The following ZEB1 variants were observed in gnomAD, a reference collection of about 807,000 sequenced individuals.
ZEB1 encodes the protein zinc finger E-box binding homeobox 1, also known as zinc finger E-box-binding homeobox 1.
A neutral mutation model predicts 84.9 loss-of-function variants in ZEB1; 21 were observed. That is an observed-to-expected ratio of 0.25 (90% CI 0.18 to 0.36). The LOEUF (loss-of-function observed/expected upper bound fraction) is 0.36, where lower values mean the gene tolerates loss of function less well. ZEB1 is among the 10% of genes least tolerant of loss of function. ZEB1 has a pLI of 1.00. For synonymous variants in ZEB1, 420 were observed against 471.1 expected (o/e 0.89, Z 1.41); for missense variants, 1,104 against 1,330.2 (o/e 0.83, Z 2.65).
chr10:31,327,190 A>G (rs899452259), intron 1 of ZEB1, among the ~76,000 whole-genome samples: 10 of 144,638 alleles, frequency 6.9e-5, no homozygotes, highest in Admixed American at 2.2e-4. Flanking sequence ...AGCTCACTGC[A>G]ACCTCTGTCT....
intron 5 of ZEB1, among the ~76,000 whole-genome samples, chr10:31,512,253 T>C (rs1184527028): frequency 6.6e-6 from 1 of 152,118 alleles, no homozygotes; most frequent in African/African-American, 2.4e-5. Flanking sequence ...CCAAGGGCCA[T>C]CGTGAAAGGA....
chr10:31,465,464 A>G (rs2062300716), intron 2 of ZEB1, among the ~76,000 whole-genome samples: 1 of 151,356 alleles, frequency 6.6e-6, no homozygotes, highest in South Asian at 2.1e-4. Flanking sequence ...CAAAAAATAT[A>G]TATATATATA....
intron 1 of ZEB1, among the ~76,000 whole-genome samples, chr10:31,367,621 T>C (rs1488408672): frequency 6.6e-6 from 1 of 152,214 alleles, no homozygotes; most frequent in South Asian, 2.1e-4. Context: ...GACTTTCTTA[T>C]AAATAGGTCA....
chr10:31,326,201 A>G (rs1285758803), intron 1 of ZEB1, among the ~76,000 whole-genome samples: 3 of 152,146 alleles, frequency 2.0e-5, no homozygotes, highest in Admixed American at 1.3e-4. Flanking sequence ...ATACAGTGAC[A>G]TATGGAATAA....
At chr10:31,445,225 T>C (rs28769420) in intron 1 of ZEB1, among the ~76,000 whole-genome samples, 2 of 148,408 alleles carry the variant, frequency 1.3e-5, no homozygotes, top group Non-Finnish European at 2.9e-5. Flanking sequence ...TTGTCTGTTG[T>C]TGGTGTATAA....
intron 1 of ZEB1, among the ~76,000 whole-genome samples, chr10:31,446,248 G>T (rs920692039): frequency 3.9e-5 from 6 of 151,994 alleles, no homozygotes; most frequent in African/African-American, 1.4e-4. Flanking sequence ...TATTTCTGTG[G>T]GATCGGTGGT....
rs967021187 is a variant in ZEB1 at position 31,527,540 on chromosome 10, G to A, written c.*276G>A. Reference sequence around the variant, plus strand: ...AGGAACAAGTTTGTAACATGCAGCAGATTAGAAAACCTTAATGACTCAGAG... The same window carrying A: ...AGGAACAAGTTTGTAACATGCAGCAAATTAGAAAACCTTAATGACTCAGAG... On this transcript the variant is annotated 3_prime_UTR_variant, in exon 9 of 9. Transcript: ENST00000424869. The A allele has an allele frequency of 1.6e-5, 7 of 441,102 alleles. No individual in the cohort carries two copies. The highest frequency in any genetic ancestry group is 7.9e-5 in the African/African-American group (4 of 50,610). The allele number at this position is 441,102 out of a possible 1,614,324, so 27.3% of individuals were successfully genotyped here. A position where few individuals can be genotyped will look rare whatever the true frequency, so the allele number is the denominator to read the frequency against.
chr10:31,431,623 C>T (rs1415973097), intron 1 of ZEB1, among the ~76,000 whole-genome samples: 1 of 151,888 alleles, frequency 6.6e-6, no homozygotes, highest in Non-Finnish European at 1.5e-5. Context: ...AGTTAGAAAC[C>T]CTACAAAGGC....
intron 1 of ZEB1, among the ~76,000 whole-genome samples, chr10:31,354,340 T>C: frequency 6.6e-6 from 1 of 152,204 alleles, no homozygotes; most frequent in Non-Finnish European, 1.5e-5. Context: ...GCAGTTAATT[T>C]AAAGAATATG....
At chr10:31,461,838 G>C (rs2061853790) in intron 2 of ZEB1, among the ~76,000 whole-genome samples, 1 of 152,062 alleles carries the variant, frequency 6.6e-6, no homozygotes, top group African/African-American at 2.4e-5. Context: ...TGGAGAAATT[G>C]GACCTAGTCT....
chr10:31,506,374 A>AAT (rs2139373718), intron 4 of ZEB1, among the ~76,000 whole-genome samples: 1 of 152,142 alleles, frequency 6.6e-6, no homozygotes, highest in South Asian at 2.1e-4. Context: ...TGAAGTCCCT[A>AAT]ACTATTATTG....
rs1301553502 is a variant in ZEB1 at position 31,521,802 on chromosome 10, G to T, written c.2470G>T (p.Val824Phe). ...CGTGGCCATTGCTGACCAGAACAGT[G>T]TTCCATGCTTAAGAGCGCTAGCTGC... ...TIVAIADQNSVPCLRALAANK... is the reference protein window; with the variant it reads ...TIVAIADQNSFPCLRALAANK... Residue 824 changes from valine (V) to phenylalanine (F), a missense_variant, in exon 7 of 9, where the codon GTT becomes TTT. This residue lies in a region of ZEB1 where 531 missense variants were observed against 575.2 expected (regional missense o/e 0.92). Coordinates refer to ENST00000424869, the MANE Select transcript of ZEB1 (RefSeq NM_001174096.2). 1 of 1,613,866 alleles carries T rather than the reference G, an allele frequency of 6.2e-7. No homozygotes were observed. Among genetic ancestry groups the T allele is most frequent in the Non-Finnish European group, 8.5e-7 (1 of 1,179,848 alleles).
At chr10:31,394,404 G>A (rs2050320718) in intron 1 of ZEB1, among the ~76,000 whole-genome samples, 1 of 152,054 alleles carries the variant, frequency 6.6e-6, no homozygotes. Flanking sequence ...TTTTATTAAT[G>A]CCTAATACAT....
intron 1 of ZEB1, among the ~76,000 whole-genome samples, chr10:31,451,612 A>G (rs1336855897): frequency 1.3e-5 from 2 of 152,218 alleles, no homozygotes; most frequent in African/African-American, 4.8e-5. Context: ...TTTACTCCAA[A>G]TACTTTCCTC....
At chr10:31,474,653 C>T (rs1439055917) in intron 2 of ZEB1, among the ~76,000 whole-genome samples, 2 of 152,110 alleles carry the variant, frequency 1.3e-5, no homozygotes, top group East Asian at 1.9e-4. Context: ...GTCAGTGCGG[C>T]GATTCCTCAG....
intron 1 of ZEB1, among the ~76,000 whole-genome samples, chr10:31,349,186 C>G (rs760270869): frequency 6.6e-6 from 1 of 152,098 alleles, no homozygotes; most frequent in Non-Finnish European, 1.5e-5. Flanking sequence ...CTTTCTGTGC[C>G]TTAGCTTATT....
At chr10:31,359,440 C>T (rs1453501903) in intron 1 of ZEB1, among the ~76,000 whole-genome samples, 4 of 152,078 alleles carry the variant, frequency 2.6e-5, no homozygotes, top group Non-Finnish European at 2.9e-5. Context: ...TTATAAAGTG[C>T]TATAGGCTCT....
intron 1 of ZEB1, chr10:31,362,784 TC>T: frequency 2.9e-6 from 2 of 696,164 alleles, no homozygotes. Flanking sequence ...CGCCTGGGCC[TC>T]CCAAAGTGCT....
intron 2 of ZEB1, among the ~76,000 whole-genome samples, chr10:31,469,990 AC>A (rs2062989637): frequency 1.3e-5 from 2 of 151,986 alleles, no homozygotes; most frequent in African/African-American, 4.8e-5. Context: ...CAACAGACCT[AC>A]AGCTGAGGGT....
Sources: allele counts gnomAD v4.1 joint callset (sites outside exome capture counted in the v4.1 genomes callset), GRCh38; gene constraint gnomAD v4.1.1; regional missense constraint gnomAD v4.1.1; transcripts MANE v1.5; gene names NCBI Gene and HGNC (gene_info 2026-07-23, HGNC 2026-07-21).